Variants in ADGRV1 observed in about 807,000 individuals in gnomAD.
ADGRV1 encodes adhesion G protein-coupled receptor V1, also known as G-protein coupled receptor 98.
ADGRV1 carries 359 observed loss-of-function variants against 596.2 expected under a neutral mutation model. The ratio of observed to expected loss-of-function variants is 0.60; its 90% confidence interval spans 0.55 to 0.66. ADGRV1 has a LOEUF of 0.66. Ranked by LOEUF, ADGRV1 falls within the 30% of genes least tolerant of loss-of-function variation. The pLI is 0.00. For synonymous variants in ADGRV1, 2,681 were observed against 2,679.2 expected (o/e 1.00, Z -0.02); for missense variants, 7,274 against 7,575.6 (o/e 0.96, Z 1.48).
chr5:90,873,192 G>A (rs372615622), intron 83 of ADGRV1, among the ~76,000 whole-genome samples: 19 of 152,250 alleles, frequency 1.2e-4, no homozygotes, highest in African/African-American at 4.3e-4. Flanking sequence ...ACAAAGACAG[G>A]GCAGCCTTTC....
intron 75 of ADGRV1, among the ~76,000 whole-genome samples, chr5:90,820,582 G>C (rs1476080622): frequency 5.3e-5 from 8 of 151,668 alleles, no homozygotes; most frequent in Middle Eastern, 6.8e-3. Flanking sequence ...TTTAGTGCTT[G>C]CTTCAGGAGC....
At chr5:90,660,732 A>C (rs957324053) in intron 21 of ADGRV1, among the ~76,000 whole-genome samples, 6 of 152,222 alleles carry the variant, frequency 3.9e-5, no homozygotes, top group Non-Finnish European at 7.3e-5. Context: ...AAAATTAAAA[A>C]AATTTAAAAT....
chr5:90,903,132 T>A (rs1194494292), intron 83 of ADGRV1, among the ~76,000 whole-genome samples: 1 of 152,098 alleles, frequency 6.6e-6, no homozygotes, highest in African/African-American at 2.4e-5. Flanking sequence ...TTACTTAGTG[T>A]CTAAGATTTA....
chr5:90,669,237 A>C (rs1772072824), intron 21 of ADGRV1, among the ~76,000 whole-genome samples: 1 of 152,100 alleles, frequency 6.6e-6, no homozygotes, highest in Admixed American at 6.5e-5. Flanking sequence ...GTAGATCCCT[A>C]AGTGGAAATT....
chr5:91,163,705 A>T, intron 89 of ADGRV1, 77 bp from the exon 90 acceptor site: 2 of 622,040 alleles, frequency 3.2e-6, no homozygotes, highest in South Asian at 4.3e-5. Context: ...ACAGGCTTGG[A>T]CCTAATGTAA....
chr5:91,107,427 GTTTTTGT>G (rs993705053), intron 87 of ADGRV1, among the ~76,000 whole-genome samples: 7 of 36,448 alleles, frequency 1.9e-4, no homozygotes, highest in African/African-American at 2.4e-4. Flanking sequence ...GTTTTGTTTT[GTTTTTGT>G]TTTTGTTTTT....
chr5:91,080,235 A>G (rs995255936), intron 86 of ADGRV1, among the ~76,000 whole-genome samples: 1 of 152,174 alleles, frequency 6.6e-6, no homozygotes, highest in East Asian at 1.9e-4. Context: ...TATACAATAC[A>G]TGTTGTTAAC....
At chr5:90,942,820 C>T (rs565300878) in intron 83 of ADGRV1, among the ~76,000 whole-genome samples, 1 of 152,284 alleles carries the variant, frequency 6.6e-6, no homozygotes, top group East Asian at 1.9e-4. Context: ...TTTTAAACTA[C>T]ACCCATAACT....
chr5:90,762,315 C>G (rs920877949), intron 58 of ADGRV1, among the ~76,000 whole-genome samples: 1 of 152,094 alleles, frequency 6.6e-6, no homozygotes, highest in Non-Finnish European at 1.5e-5. Flanking sequence ...ATCTGGCCCT[C>G]AGATTTCTAT....
intron 79 of ADGRV1, among the ~76,000 whole-genome samples, chr5:90,851,132 TGTGAGAGAGA>T (rs1561847438): frequency 1.4e-5 from 1 of 71,896 alleles, no homozygotes; most frequent in African/African-American, 3.9e-5. Context: ...TGTGTGTGTG[TGTGAGAGAGA>T]GAGAGAGAGA....
intron 84 of ADGRV1, among the ~76,000 whole-genome samples, chr5:90,974,479 A>G (rs1253374926): frequency 2.0e-5 from 3 of 152,208 alleles, no homozygotes; most frequent in South Asian, 2.1e-4. Flanking sequence ...CCAAAACAGC[A>G]TGGTACTGGT....
At chr5:91,024,757 ATCTT>A (rs923000081) in intron 85 of ADGRV1, among the ~76,000 whole-genome samples, 5 of 152,148 alleles carry the variant, frequency 3.3e-5, no homozygotes, top group African/African-American at 1.2e-4. Context: ...TTAAAGTTAA[ATCTT>A]TCTTTTCAGT....
chr5:90,571,259 G>A (rs776640348), intron 1 of ADGRV1, among the ~76,000 whole-genome samples: 4 of 151,980 alleles, frequency 2.6e-5, no homozygotes, highest in African/African-American at 4.8e-5. Flanking sequence ...CTCCATGTGC[G>A]TGTTGAAGAA....
At chr5:91,075,809 A>T (rs930088258) in intron 86 of ADGRV1, among the ~76,000 whole-genome samples, 4 of 152,104 alleles carry the variant, frequency 2.6e-5, no homozygotes, top group African/African-American at 9.7e-5. Flanking sequence ...ATTGCCCCAA[A>T]AAAAAGTCCA....
At chr5:90,943,259 C>T (rs1292585693) in intron 83 of ADGRV1, among the ~76,000 whole-genome samples, 4 of 152,084 alleles carry the variant, frequency 2.6e-5, no homozygotes, top group African/African-American at 9.6e-5. Context: ...TTGGTTAGTT[C>T]TTAAGGTTCT....
chr5:91,153,373 T>A lies in ADGRV1; in HGVS notation c.18777T>A (p.Asp6259Glu). The A allele has an allele frequency of 6.2e-7, 1 of 1,606,662 alleles. No individual in the cohort carries two copies. The highest frequency in any genetic ancestry group is 8.5e-7 in the Non-Finnish European group (1 of 1,176,144). ...CCGATGAGGAGTCCCAGGAGTTTGA[T>A]GATTTAATATTTGCATTAAAAACTG... ...LIADEESQEF[D>E]DLIFALKTGA... The change falls in exon 89 of 90, where the codon GAT becomes GAA. Residue 6259 changes from aspartate to glutamate, a missense_variant. By Grantham distance (45) the Asp-to-Glu change is conservative (BLOSUM62 2). This residue lies in a region of ADGRV1 where 1,874 missense variants were observed against 1,970.2 expected (regional missense o/e 0.95). Coordinates refer to ENST00000405460, the MANE Select transcript of ADGRV1 (RefSeq NM_032119.4).
intron 89 of ADGRV1, 24 bp downstream of exon 89, chr5:91,153,422 A>G (rs1796221392): frequency 6.6e-7 from 1 of 1,512,962 alleles, no homozygotes; most frequent in Non-Finnish European, 8.9e-7. Flanking sequence ...CATGAACGAC[A>G]TTAGAAGTAG....
At chr5:90,795,597 G>C (rs758789805) in intron 70 of ADGRV1, among the ~76,000 whole-genome samples, 1 of 152,154 alleles carries the variant, frequency 6.6e-6, no homozygotes, top group East Asian at 1.9e-4. Flanking sequence ...TTCCCTGCCT[G>C]ACGGCTCTGA....
intron 25 of ADGRV1, among the ~76,000 whole-genome samples, chr5:90,677,783 C>T (rs752102461): frequency 6.6e-6 from 1 of 152,004 alleles, no homozygotes; most frequent in Non-Finnish European, 1.5e-5. Context: ...CAATAGTGGC[C>T]GAGAATCTGA....
Sources: allele counts gnomAD v4.1 joint callset (sites outside exome capture counted in the v4.1 genomes callset), GRCh38; gene constraint gnomAD v4.1.1; regional missense constraint gnomAD v4.1.1; transcripts MANE v1.5; gene names NCBI Gene and HGNC (gene_info 2026-07-23, HGNC 2026-07-21).